FRMD3: variants seen among roughly 807,000 people sequenced by gnomAD.
FRMD3 encodes FERM domain containing 3.
A neutral mutation model predicts 70.2 loss-of-function variants in FRMD3; 33 were observed. The observed-to-expected ratio is 0.47, with a 90% CI of 0.36 to 0.63. The LOEUF is 0.63. Among genes scored for constraint, FRMD3 ranks in the 20% least tolerant of loss-of-function variants. FRMD3 has a pLI of 0.00. For synonymous variants in FRMD3, 279 were observed against 255.9 expected (o/e 1.09, Z -0.86); for missense variants, 632 against 711.4 (o/e 0.89, Z 1.27).
At chr9:83,296,652 C>T (rs1368083246) in intron 12 of FRMD3, among the ~76,000 whole-genome samples, 3 of 152,164 alleles carry the variant, frequency 2.0e-5, no homozygotes, top group Non-Finnish European at 4.4e-5. Context: ...GCATTCAAAG[C>T]AGGTCTCAAG....
chr9:83,508,710 T>C (rs867319906), intron 1 of FRMD3, among the ~76,000 whole-genome samples: 85 of 152,236 alleles, frequency 5.6e-4, no homozygotes, highest in African/African-American at 1.9e-3. Flanking sequence ...TCCCTTGCCA[T>C]TTTATTCTAA....
At chr9:83,462,966 T>C (rs1034595037) in intron 1 of FRMD3, among the ~76,000 whole-genome samples, 3 of 152,212 alleles carry the variant, frequency 2.0e-5, no homozygotes, top group Non-Finnish European at 4.4e-5. Context: ...CTCAGTATTA[T>C]ATAATCCAAA....
intron 12 of FRMD3, among the ~76,000 whole-genome samples, chr9:83,295,285 C>T (rs1053991172): frequency 6.6e-6 from 1 of 152,100 alleles, no homozygotes; most frequent in Non-Finnish European, 1.5e-5. Context: ...TGTAACTCAA[C>T]TAAAAGATGC....
intron 1 of FRMD3, among the ~76,000 whole-genome samples, chr9:83,491,857 G>T (rs75744191): frequency 0.024 from 3,728 of 152,302 alleles, 152 homozygotes; most frequent in African/African-American, 0.085. Flanking sequence ...ATATGCATTT[G>T]CAGCACCAAA....
the FRMD3 span, among the ~76,000 whole-genome samples, chr9:83,563,012 C>CGAAT: frequency 6.6e-6 from 1 of 151,066 alleles, no homozygotes; most frequent in African/African-American, 2.4e-5. Context: ...AATGAGAGGC[C>CGAAT]GAATGAATGA....
chr9:83,537,466 G>C lies in FRMD3; in HGVS notation c.147+619C>G, dbSNP rs576607725. On this transcript the variant is annotated intron_variant, in intron 1 of 13. Transcript: ENST00000304195. The surrounding 1 kb of genome is among the most constrained non-coding windows in gnomAD (Gnocchi z 4.1). ...AGGTAGCTCCAGTCCGGCGCAGCGC[G>C]CGCTCCATCCCTCAAGGCTGGCGCC... Among the ~76,000 whole-genome samples, 6 of 152,312 alleles carry C rather than the reference G, an allele frequency of 3.9e-5. No individual in the cohort carries two copies. In the East Asian group the frequency reaches 1.2e-3, roughly 29 times the overall value.
intron 2 of FRMD3, among the ~76,000 whole-genome samples, chr9:83,373,959 A>C (rs139361119): frequency 1.3e-5 from 2 of 152,218 alleles, no homozygotes; most frequent in African/African-American, 4.8e-5. Flanking sequence ...ATGTAAATGC[A>C]TAACCATAAT....
intron 1 of FRMD3, among the ~76,000 whole-genome samples, chr9:83,426,632 G>C (rs750362406): frequency 6.6e-6 from 1 of 152,216 alleles, no homozygotes; most frequent in Non-Finnish European, 1.5e-5. Flanking sequence ...ATAAGTGGGA[G>C]GAGGCATTTA....
At chr9:83,534,067 G>A (rs963614721) in intron 1 of FRMD3, among the ~76,000 whole-genome samples, 1 of 152,246 alleles carries the variant, frequency 6.6e-6, no homozygotes, top group Non-Finnish European at 1.5e-5. Flanking sequence ...AAGAATTAGA[G>A]TCAAACCTCA....
At chr9:83,337,515 C>A (rs1205581719) in intron 5 of FRMD3, among the ~76,000 whole-genome samples, 6 of 152,110 alleles carry the variant, frequency 3.9e-5, no homozygotes, top group Non-Finnish European at 8.8e-5. Flanking sequence ...ATTGGTTCCA[C>A]AAGCATGCTA....
At chr9:83,430,629 G>T (rs11140086) in intron 1 of FRMD3, among the ~76,000 whole-genome samples, 12,764 of 151,928 alleles carry the variant, frequency 0.084, 614 homozygotes, top group South Asian at 0.2. Flanking sequence ...TTTAAGAAAT[G>T]TCTTTCATTT....
chr9:83,429,264 G>C (rs1826901401), intron 1 of FRMD3, among the ~76,000 whole-genome samples: 1 of 152,132 alleles, frequency 6.6e-6, no homozygotes, highest in South Asian at 2.1e-4. Context: ...ACCACTGCTT[G>C]GGGCTCAGGT....
At chr9:83,579,347 A>G in the FRMD3 span, among the ~76,000 whole-genome samples, 1 of 152,014 alleles carries the variant, frequency 6.6e-6, no homozygotes, top group Non-Finnish European at 1.5e-5. Context: ...ACAAAAGAAC[A>G]AAGCTGGAGA....
intron 1 of FRMD3, among the ~76,000 whole-genome samples, chr9:83,523,477 C>T (rs1171704381): frequency 6.6e-6 from 1 of 152,074 alleles, no homozygotes; most frequent in Non-Finnish European, 1.5e-5. Flanking sequence ...CTGCTCAATA[C>T]ACTAAGAGAG....
chr9:83,476,775 C>T (rs1271016847), intron 1 of FRMD3, among the ~76,000 whole-genome samples: 2 of 152,188 alleles, frequency 1.3e-5, no homozygotes, highest in African/African-American at 4.8e-5. Context: ...TTCTTTATCC[C>T]TTGAGTCGTA....
At chr9:83,251,585 T>C (rs571488574) in intron 13 of FRMD3, among the ~76,000 whole-genome samples, 29 of 152,178 alleles carry the variant, frequency 1.9e-4, no homozygotes, top group Non-Finnish European at 3.5e-4. Flanking sequence ...TAAAGGAGTA[T>C]GTTCTAACCC....
At chr9:83,382,436 T>G (rs1412502385) in intron 2 of FRMD3, among the ~76,000 whole-genome samples, 1 of 152,202 alleles carries the variant, frequency 6.6e-6, no homozygotes, top group Non-Finnish European at 1.5e-5. Flanking sequence ...TTAAAAAAAT[T>G]ATATTGCATA....
At chr9:83,490,809 C>CACAG (rs1344939177) in intron 1 of FRMD3, among the ~76,000 whole-genome samples, 2 of 151,242 alleles carry the variant, frequency 1.3e-5, no homozygotes, top group Non-Finnish European at 1.5e-5. Flanking sequence ...CACACACACA[C>CACAG]ACACACACAC....
At chr9:83,527,157 T>A (rs1829702015) in intron 1 of FRMD3, among the ~76,000 whole-genome samples, 1 of 151,738 alleles carries the variant, frequency 6.6e-6, no homozygotes, top group Non-Finnish European at 1.5e-5. Flanking sequence ...CCACCAGGAG[T>A]CCAGGGTACA....
Sources: allele counts gnomAD v4.1 joint callset (sites outside exome capture counted in the v4.1 genomes callset), GRCh38; gene constraint gnomAD v4.1.1; non-coding constraint Gnocchi (gnomAD v3.1); transcripts MANE v1.5; gene names NCBI Gene and HGNC (gene_info 2026-07-23, HGNC 2026-07-21).